SCAPER: variants seen among roughly 807,000 people sequenced by gnomAD.
The protein encoded by SCAPER is S-phase cyclin A associated protein in the ER.
SCAPER carries 98 observed loss-of-function variants against 182.2 expected under a neutral mutation model. The observed-to-expected ratio is 0.54, with a 90% confidence interval of 0.46 to 0.64. The LOEUF (loss-of-function observed/expected upper bound fraction) is 0.64. SCAPER is among the 30% of genes least tolerant of loss of function. SCAPER has a pLI of 0.00. For missense variants in SCAPER, 1,432 were observed against 1,690.0 expected, an observed-to-expected ratio of 0.85 and a Z score of 2.68; for synonymous variants, 605 against 564.6, an observed-to-expected ratio of 1.07 and a Z score of -1.01.
At chr15:76,503,744 G>C (rs1283374298) in intron 24 of SCAPER, among the ~76,000 whole-genome samples, 1 of 152,134 alleles carries the variant, frequency 6.6e-6, no homozygotes. Context: ...TAGCCTGGCA[G>C]AGGTAAAACT....
chr15:76,584,490 T>A (rs969586805), intron 22 of SCAPER, among the ~76,000 whole-genome samples: 1 of 150,820 alleles, frequency 6.6e-6, no homozygotes, highest in Admixed American at 6.6e-5. Flanking sequence ...TTATTATGCA[T>A]TATATACCTG....
At chr15:76,389,267 GA>G (rs1209219243) in intron 27 of SCAPER, among the ~76,000 whole-genome samples, 1 of 151,876 alleles carries the variant, frequency 6.6e-6, no homozygotes, top group African/African-American at 2.4e-5. Flanking sequence ...TTGGGAGGCT[GA>G]GGTGGGCGGA....
At chr15:76,864,253 C>T (rs568710787) in intron 2 of SCAPER, among the ~76,000 whole-genome samples, 2 of 152,334 alleles carry the variant, frequency 1.3e-5, no homozygotes, top group South Asian at 2.1e-4. Flanking sequence ...TTGTCTGAAA[C>T]TTCTTTCTCC....
rs185350433 is a variant in SCAPER, at chr15:76,680,463, A to T, written c.2509-14674T>A. 1.6e-4 allele frequency among the ~76,000 whole-genome samples: 24 copies of T among 151,360 alleles called. No individual in the cohort carries two copies. The East Asian group carries it at 4.3e-3, about 27-fold the overall frequency. ...AATAATAATAATAATACAGGGGCCA[A>T]TTAAGAAAACCTAACAATCCTTAGC... On this transcript the variant is annotated intron_variant, in intron 20 of 31. Transcript: ENST00000563290.
intron 24 of SCAPER, chr15:76,472,460 T>G: frequency 2.1e-6 from 1 of 473,400 alleles, no homozygotes. Context: ...AAAATTTGTT[T>G]TACTTTTTTT....
chr15:76,771,983 A>G, intron 9 of SCAPER, 29 bp from the exon 10 acceptor site: 1 of 1,524,632 alleles, frequency 6.6e-7, no homozygotes, highest in East Asian at 2.3e-5. Flanking sequence ...TGAATCAGAG[A>G]TAATTAAAAA....
At chr15:76,823,303 A>C (rs1436536132) in intron 5 of SCAPER, among the ~76,000 whole-genome samples, 1 of 152,046 alleles carries the variant, frequency 6.6e-6, no homozygotes, top group African/African-American at 2.4e-5. Context: ...TACTAAAAAT[A>C]CAAAAAATGA....
At chr15:76,853,827 C>A (rs2071038322) in intron 4 of SCAPER, among the ~76,000 whole-genome samples, 1 of 151,972 alleles carries the variant, frequency 6.6e-6, no homozygotes, top group Non-Finnish European at 1.5e-5. Context: ...AGCCATCAGG[C>A]AAGAGAAAAA....
intron 4 of SCAPER, among the ~76,000 whole-genome samples, chr15:76,854,199 G>C (rs1354489065): frequency 6.6e-6 from 1 of 152,032 alleles, no homozygotes; most frequent in East Asian, 1.9e-4. Context: ...AACCCAGGAG[G>C]CGGAGGTTGT....
chr15:76,649,567 TTAAA>T (rs1221353214), intron 21 of SCAPER, among the ~76,000 whole-genome samples: 1 of 150,494 alleles, frequency 6.6e-6, no homozygotes, highest in African/African-American at 2.4e-5. Flanking sequence ...AATATTTATA[TTAAA>T]TAGTTTCTAT....
intron 29 of SCAPER, among the ~76,000 whole-genome samples, chr15:76,370,055 C>CA (rs1442606779): frequency 6.6e-6 from 1 of 152,092 alleles, no homozygotes; most frequent in Non-Finnish European, 1.5e-5. Context: ...AGTAGGCAGG[C>CA]AGCTCATTAA....
At chr15:76,847,597 CCACT>C (rs900245418) in intron 4 of SCAPER, among the ~76,000 whole-genome samples, 6 of 152,184 alleles carry the variant, frequency 3.9e-5, no homozygotes, top group African/African-American at 9.6e-5. Context: ...ATATATACAC[CCACT>C]ATGTACCCAC....
At chr15:76,827,142 G>T (rs943670776) in intron 5 of SCAPER, among the ~76,000 whole-genome samples, 5 of 152,130 alleles carry the variant, frequency 3.3e-5, no homozygotes, top group Admixed American at 3.3e-4. Flanking sequence ...TTGAACAAAT[G>T]TCCACTTCCC....
At chr15:76,408,547 G>C (rs1383293707) in intron 26 of SCAPER, among the ~76,000 whole-genome samples, 1 of 151,920 alleles carries the variant, frequency 6.6e-6, no homozygotes, top group Non-Finnish European at 1.5e-5. Flanking sequence ...CATATTTTTA[G>C]GGCTCTTGAT....
chr15:76,680,408 GATGATAATAATAATAATA>G (rs2057627534), intron 20 of SCAPER, among the ~76,000 whole-genome samples: 1 of 115,130 alleles, frequency 8.7e-6, no homozygotes, highest in South Asian at 3.2e-4. Context: ...TGATGATGAT[GATGATAATAATAATAATA>G]ATAATAATAA....
intron 15 of SCAPER, among the ~76,000 whole-genome samples, chr15:76,738,090 A>C (rs754763929): frequency 1.3e-5 from 2 of 152,184 alleles, no homozygotes; most frequent in Non-Finnish European, 2.9e-5. Flanking sequence ...TTGCATTTAC[A>C]ACCTGACTGA....
At chr15:76,648,264 A>G (rs1202928994) in intron 21 of SCAPER, among the ~76,000 whole-genome samples, 1 of 152,050 alleles carries the variant, frequency 6.6e-6, no homozygotes, top group African/African-American at 2.4e-5. Flanking sequence ...GATGAAAAAT[A>G]TAACACATGA....
chr15:76,381,644 A>G, intron 27 of SCAPER, 29 bp from the exon 28 acceptor site: 1 of 1,518,716 alleles, frequency 6.6e-7, no homozygotes. Flanking sequence ...GTTCTTTGAG[A>G]AAAACTACTT....
At chr15:76,397,264 G>C (rs1482324934) in intron 27 of SCAPER, among the ~76,000 whole-genome samples, 1 of 151,898 alleles carries the variant, frequency 6.6e-6, no homozygotes, top group Non-Finnish European at 1.5e-5. Flanking sequence ...ATTCATCAGG[G>C]ATACTGGTCT....
Sources: gnomAD v4.1 joint callset for allele counts (sites outside exome capture counted in the v4.1 genomes callset) on GRCh38, gnomAD v4.1.1 for gene constraint, MANE v1.5 for transcripts, NCBI Gene and HGNC (gene_info 2026-07-23, HGNC 2026-07-21) for gene names.